CTNND2: variants seen among roughly 807,000 people sequenced by gnomAD.
CTNND2 encodes catenin delta-2.
A neutral mutation model predicts 144.4 loss-of-function variants in CTNND2; 22 were observed. The observed-to-expected ratio is 0.15, with a 90% CI of 0.11 to 0.22. The LOEUF (loss-of-function observed/expected upper bound fraction) is 0.22. CTNND2 is among the 10% of genes least tolerant of loss of function. CTNND2 has a pLI of 1.00. For missense variants in CTNND2, 1,353 were observed against 1,618.8 expected, an observed-to-expected ratio of 0.84 and a Z score of 2.82; for synonymous variants, 751 against 695.6, an observed-to-expected ratio of 1.08 and a Z score of -1.25.
At chr5:11,363,741 T>G (rs1000279782) in intron 8 of CTNND2, among the ~76,000 whole-genome samples, 4 of 152,208 alleles carry the variant, frequency 2.6e-5, no homozygotes, top group Non-Finnish European at 5.9e-5. Flanking sequence ...TAAGGCAGTT[T>G]AAGAAAATTG....
At chr5:11,262,625 G>A (rs1015750794) in intron 9 of CTNND2, among the ~76,000 whole-genome samples, 1 of 151,752 alleles carries the variant, frequency 6.6e-6, no homozygotes. Flanking sequence ...AGCTGGGCGT[G>A]GTGGCGGGCA....
chr5:11,220,188 TAA>T (rs569007579), intron 10 of CTNND2, among the ~76,000 whole-genome samples: 1 of 145,452 alleles, frequency 6.9e-6, no homozygotes, highest in Non-Finnish European at 1.5e-5. Flanking sequence ...TAAAAATCCA[TAA>T]AAAAAAAAAT....
At chr5:11,640,909 T>C (rs1329225950) in intron 2 of CTNND2, among the ~76,000 whole-genome samples, 1 of 152,166 alleles carries the variant, frequency 6.6e-6, no homozygotes, top group African/African-American at 2.4e-5. Flanking sequence ...GAGTGGTATA[T>C]CCCAGATGGC....
At chr5:11,660,567 C>T (rs1169587929) in intron 2 of CTNND2, among the ~76,000 whole-genome samples, 1 of 151,972 alleles carries the variant, frequency 6.6e-6, no homozygotes, top group East Asian at 1.9e-4. Context: ...ATTTCATATA[C>T]AGGTAGGCAA....
chr5:11,712,600 C>T (rs2126696536), intron 2 of CTNND2, among the ~76,000 whole-genome samples: 1 of 152,204 alleles, frequency 6.6e-6, no homozygotes, highest in Admixed American at 6.5e-5. Context: ...AAAGTTCAAA[C>T]TCTAAAGTTT....
chr5:11,240,045 T>C (rs1742051997), intron 9 of CTNND2, among the ~76,000 whole-genome samples: 1 of 152,028 alleles, frequency 6.6e-6, no homozygotes, highest in South Asian at 2.1e-4. Flanking sequence ...ACATGGACAG[T>C]GTTTCCACAG....
chr5:11,124,953 T>C (rs886182900), intron 12 of CTNND2, among the ~76,000 whole-genome samples: 1 of 152,218 alleles, frequency 6.6e-6, no homozygotes, highest in African/African-American at 2.4e-5. Context: ...GCTGCTCTCC[T>C]AAATCTAGAG....
At chr5:11,774,021 G>A (rs578102225) in intron 1 of CTNND2, among the ~76,000 whole-genome samples, 1 of 152,094 alleles carries the variant, frequency 6.6e-6, no homozygotes, top group Non-Finnish European at 1.5e-5. Flanking sequence ...CAAGAAAGAA[G>A]AGATCATACA....
intron 1 of CTNND2, among the ~76,000 whole-genome samples, chr5:11,775,489 T>C (rs1790203585): frequency 6.6e-6 from 1 of 152,236 alleles, no homozygotes; most frequent in South Asian, 2.1e-4. Flanking sequence ...CATTGCACTG[T>C]CCCCAACTCT....
chr5:11,066,462 C>T (rs1303455837), intron 16 of CTNND2, among the ~76,000 whole-genome samples: 1 of 147,398 alleles, frequency 6.8e-6, no homozygotes, highest in African/African-American at 2.5e-5. Flanking sequence ...ACTCCCTCCT[C>T]CCCCACCCTG....
At chr5:11,560,793 C>G (rs1231650796) in intron 3 of CTNND2, among the ~76,000 whole-genome samples, 2 of 152,198 alleles carry the variant, frequency 1.3e-5, no homozygotes, top group African/African-American at 4.8e-5. Flanking sequence ...AGGAAGAAAG[C>G]ATCATAGGCT....
intron 9 of CTNND2, among the ~76,000 whole-genome samples, chr5:11,289,829 C>T (rs1748135113): frequency 6.6e-6 from 1 of 152,154 alleles, no homozygotes; most frequent in African/African-American, 2.4e-5. Context: ...TATTAACCAC[C>T]AGAGATAAAT....
At chr5:11,663,542 A>G (rs1783396016) in intron 2 of CTNND2, among the ~76,000 whole-genome samples, 1 of 152,160 alleles carries the variant, frequency 6.6e-6, no homozygotes, top group Non-Finnish European at 1.5e-5. Context: ...TAAACTACAT[A>G]TGTGTGTATA....
intron 2 of CTNND2, among the ~76,000 whole-genome samples, chr5:11,585,482 G>A (rs2466998): frequency 2.3e-4 from 35 of 150,320 alleles, no homozygotes; most frequent in African/African-American, 7.5e-4. Context: ...TTTTATCTAT[G>A]TATATCTATC....
chr5:11,898,700 A>G (rs954524531), intron 1 of CTNND2, among the ~76,000 whole-genome samples: 1 of 152,182 alleles, frequency 6.6e-6, no homozygotes, highest in African/African-American at 2.4e-5. Flanking sequence ...TGATCCAAAA[A>G]AACAAAAAAA....
At chr5:11,500,571 A>C (rs983914788) in intron 3 of CTNND2, among the ~76,000 whole-genome samples, 2 of 152,192 alleles carry the variant, frequency 1.3e-5, no homozygotes, top group African/African-American at 4.8e-5. Flanking sequence ...AAAATACCTA[A>C]TCAAAAGGCA....
intron 2 of CTNND2, among the ~76,000 whole-genome samples, chr5:11,698,289 T>TTA (rs199962890): frequency 4.8e-5 from 5 of 103,774 alleles, no homozygotes; most frequent in African/African-American, 1.6e-4. Flanking sequence ...CACATTATTA[T>TTA]TTTTTTTTTT....
At chr5:11,559,899 A>G (rs972449170) in intron 3 of CTNND2, among the ~76,000 whole-genome samples, 3 of 152,188 alleles carry the variant, frequency 2.0e-5, no homozygotes, top group Admixed American at 1.3e-4. Flanking sequence ...TGAGACTACC[A>G]GTGACCTGGC....
In CTNND2 at chr5:11,364,707, C is replaced by A; in HGVS notation, c.1361G>T (p.Arg454Leu). Reference protein sequence around the residue: ...PLPPAHTGTYRTSTAPSSPGV... With the variant: ...PLPPAHTGTYLTSTAPSSPGV... ...TCCTGATTACACACCTGTGCTCGTGCGGTAGGTGCCGGTGTGTGCTGGCGG... is the reference window on the plus strand; with the variant it reads ...TCCTGATTACACACCTGTGCTCGTGAGGTAGGTGCCGGTGTGTGCTGGCGG... Residue 454 changes from arginine (R) to leucine (L), a missense_variant, in exon 8 of 22, where the codon CGC (arginine) becomes CTC (leucine). This residue lies in a region of CTNND2 where 708 missense variants were observed against 706.4 expected (regional missense o/e 1.00). Coordinates refer to ENST00000304623, the MANE Select transcript of CTNND2 (RefSeq NM_001332.4). The A allele has an allele frequency of 1.2e-6, 2 of 1,612,064 alleles. No individual in the cohort carries two copies. Among genetic ancestry groups the A allele is most frequent in the Non-Finnish European group, 1.7e-6 (2 of 1,179,506 alleles).
Sources: allele counts gnomAD v4.1 joint callset (sites outside exome capture counted in the v4.1 genomes callset), GRCh38; gene constraint gnomAD v4.1.1; regional missense constraint gnomAD v4.1.1; transcripts MANE v1.5; gene names NCBI Gene and HGNC (gene_info 2026-07-23, HGNC 2026-07-21).